C16orf89: variants seen among roughly 807,000 people sequenced by gnomAD.
C16orf89 encodes chromosome 16 open reading frame 89.
A neutral mutation model predicts 41.5 loss-of-function variants in C16orf89; 57 were observed. The observed-to-expected ratio is 1.38, with a 90% confidence interval of 1.11 to 1.71. The LOEUF is 1.71. Ranked by LOEUF, C16orf89 falls within the 40% of genes most tolerant of loss-of-function variation. C16orf89 has a pLI of 0.00. For missense variants in C16orf89, 575 were observed against 445.9 expected (o/e 1.29, Z -2.61); for synonymous variants, 223 against 190.6 (o/e 1.17, Z -1.40).
chr16:5,048,696 G>A (rs1011197160), intron 6 of C16orf89, among the ~76,000 whole-genome samples: 1 of 151,968 alleles, frequency 6.6e-6, no homozygotes, highest in African/African-American at 2.4e-5. Context: ...AAGTATAAAA[G>A]TTACTGGTAG....
At chr16:5,044,525 C>A (rs1956258735) in intron 7 of C16orf89, 47 bp from the exon 8 acceptor site, 2 of 1,608,704 alleles carry the variant, frequency 1.2e-6, no homozygotes, top group Non-Finnish European at 8.5e-7. Flanking sequence ...GAACCTTGGC[C>A]CTTTATTCAA....
intron 6 of C16orf89, among the ~76,000 whole-genome samples, chr16:5,052,720 G>C (rs538247572): frequency 6.6e-6 from 1 of 152,332 alleles, no homozygotes; most frequent in South Asian, 2.1e-4. Flanking sequence ...GCAGTATGGA[G>C]ATTTGTCAAA....
chr16:5,059,508 T>C (rs961264797), intron 3 of C16orf89, among the ~76,000 whole-genome samples: 1 of 151,968 alleles, frequency 6.6e-6, no homozygotes, highest in Non-Finnish European at 1.5e-5. Flanking sequence ...AAAGCAGAGG[T>C]CCTTGGCTGG....
At chr16:5,048,026 C>CT (rs1596684023) in intron 6 of C16orf89, 62 bp from the exon 7 acceptor site, 3 of 879,318 alleles carry the variant, frequency 3.4e-6, no homozygotes, top group East Asian at 2.6e-5. Context: ...ATTTTTATTT[C>CT]TTTTTACTGC....
intron 1 of C16orf89, among the ~76,000 whole-genome samples, chr16:5,064,320 T>C (rs1308590203): frequency 6.6e-6 from 1 of 152,130 alleles, no homozygotes; most frequent in Non-Finnish European, 1.5e-5. Flanking sequence ...GGGAGCTCAT[T>C]GTTTAGAGAG....
At chr16:5,055,104 C>T (rs544172985) in intron 6 of C16orf89, 142 bp downstream of exon 6, 16 of 735,450 alleles carry the variant, frequency 2.2e-5, no homozygotes, top group Admixed American at 1.4e-4. Context: ...TGTGTGTACA[C>T]GTCTGTGTGT....
rs528745054 is a variant in C16orf89, at chr16:5,055,678, G to T, written c.764-328C>A. The T allele has an allele frequency of 2.0e-4, 306 of 1,534,310 alleles. 4 individuals carry two copies. In the South Asian group the frequency reaches 3.3e-3, roughly 16 times the overall value. On this transcript the variant is annotated intron_variant, in intron 5 of 7. Transcript: ENST00000472572. ...TCCATAAGGCTTTGTGGGTCTGTCT[G>T]CCAGTCACCTGGTCCATCTGTGTAG...
intron 4 of C16orf89, among the ~76,000 whole-genome samples, chr16:5,057,333 T>C (rs1956531109): frequency 6.8e-6 from 1 of 147,258 alleles, no homozygotes; most frequent in South Asian, 2.1e-4. Context: ...TAGTGGTGTA[T>C]ATATATAGTG....
intron 6 of C16orf89, among the ~76,000 whole-genome samples, chr16:5,050,609 A>G (rs1279528001): frequency 2.0e-5 from 3 of 152,192 alleles, no homozygotes; most frequent in African/African-American, 7.2e-5. Flanking sequence ...AAAATTGAAG[A>G]GGAGGAAAAT....
chr16:5,047,912 C>T lies in C16orf89; in HGVS notation c.921G>A (p.Ser307=), dbSNP rs773757985. Residue 307 remains serine (S), a synonymous_variant, in exon 7 of 8, where the codon TCG becomes TCA. Coordinates refer to ENST00000472572, the MANE Select transcript of C16orf89 (RefSeq NM_001098514.3). ...SKAIQYQQHF[S]RRVKRREKQF... is the part of the protein sequence containing the mutation. ...GTTTTTCTCGCCTCTTCACTCTCCT[C>T]GAAAAATGCTGCTGATATTGAATAG... 1.1e-5 allele frequency: 17 copies of T among 1,604,716 alleles called. No individual in the cohort carries two copies. Among genetic ancestry groups the T allele is most frequent in the South Asian group, 4.4e-5 (4 of 90,464 alleles).
At chr16:5,065,597 T>A in intron 1 of C16orf89, 104 bp downstream of exon 1, 1 of 1,327,750 alleles carries the variant, frequency 7.5e-7, no homozygotes, top group Non-Finnish European at 1.0e-6. Flanking sequence ...CAGGCTATAC[T>A]GGGGCCAGGA....
chr16:5,057,470 GGT>G (rs906764562), intron 4 of C16orf89, among the ~76,000 whole-genome samples: 3 of 145,384 alleles, frequency 2.1e-5, no homozygotes, highest in Non-Finnish European at 3.0e-5. Context: ...TATATATACT[GGT>G]GTGTGTGTAT....
At chr16:5,059,006 G>C (rs933575437) in intron 3 of C16orf89, among the ~76,000 whole-genome samples, 5 of 152,084 alleles carry the variant, frequency 3.3e-5, no homozygotes, top group East Asian at 3.9e-4. Flanking sequence ...TTGGGAGGCT[G>C]AGGCAGGCAA....
Position 5,060,446 on chromosome 16 carries a change from A to C in C16orf89, c.359-10T>G, listed in dbSNP as rs1312727237. 3 of 1,609,150 alleles carry C rather than the reference A, an allele frequency of 1.9e-6. No homozygotes were observed. The African/African-American group carries it at 4.0e-5, about 21-fold the overall frequency. On this transcript the variant is annotated splice_polypyrimidine_tract_variant and intron_variant, in intron 2 of 7. Transcript: ENST00000472572. ...AGGGTCAGCTGGAACTCTGGCAGAGAGGACAGATAGATGGGGTGGGGTGTG... is the reference window on the plus strand; with the variant it reads ...AGGGTCAGCTGGAACTCTGGCAGAGCGGACAGATAGATGGGGTGGGGTGTG...
chr16:5,060,989 G>C (rs969943195), intron 2 of C16orf89, among the ~76,000 whole-genome samples: 5 of 145,444 alleles, frequency 3.4e-5, no homozygotes, highest in African/African-American at 1.3e-4. Flanking sequence ...GGCCAAGAGC[G>C]GTGGCTCACG....
intron 6 of C16orf89, 69 bp downstream of exon 6, chr16:5,055,177 G>C: frequency 7.6e-7 from 1 of 1,320,038 alleles, no homozygotes. Flanking sequence ...CCCACACCTG[G>C]CCTAGAAACT....
At chr16:5,055,891 A>T in intron 5 of C16orf89, 162 bp downstream of exon 5, 1 of 1,257,040 alleles carries the variant, frequency 8.0e-7, no homozygotes. Flanking sequence ...CTGAAGTTCA[A>T]ATTTAACTGA....
intron 6 of C16orf89, among the ~76,000 whole-genome samples, chr16:5,050,237 G>A (rs573314920): frequency 1.8e-4 from 27 of 152,098 alleles, no homozygotes; most frequent in African/African-American, 5.8e-4. Flanking sequence ...GCATGGTGGC[G>A]GGCGCCTGTA....
In C16orf89 at chr16:5,047,898, C is replaced by T. The variant is rs776138980; in HGVS notation, c.935G>A (p.Arg312Lys). Residue 312 changes from arginine (R) to lysine (K), a missense_variant, in exon 7 of 8, where the codon AGG (arginine) becomes AAG (lysine). Physicochemically the swap from Arg to Lys is conservative, Grantham distance 26. Coordinates refer to ENST00000472572, the MANE Select transcript of C16orf89 (RefSeq NM_001098514.3). The part of the protein sequence containing the change: ...YQQHFSRRVK[R>K]REKQFPDGCS... ...ATTACCTGGAAATTGTTTTTCTCGC[C>T]TCTTCACTCTCCTCGAAAAATGCTG... The T allele has an allele frequency of 1.9e-6, 3 of 1,595,042 alleles. No homozygotes were observed. The highest frequency in any genetic ancestry group is 2.2e-5 in the East Asian group (1 of 44,818).
Sources: gnomAD v4.1 joint callset for allele counts (sites outside exome capture counted in the v4.1 genomes callset) on GRCh38, gnomAD v4.1.1 for gene constraint, MANE v1.5 for transcripts, NCBI Gene and HGNC (gene_info 2026-07-23, HGNC 2026-07-21) for gene names.